Variants in PPM1E observed in about 807,000 individuals in gnomAD.
The protein encoded by PPM1E is protein phosphatase, Mg2+/Mn2+ dependent 1E.
A neutral mutation model predicts 65.9 loss-of-function variants in PPM1E; 20 were observed. That is an observed-to-expected ratio of 0.30 (90% confidence interval 0.21 to 0.44). The LOEUF (loss-of-function observed/expected upper bound fraction) is 0.44. PPM1E is among the 20% of genes least tolerant of loss of function. The pLI, the probability that PPM1E is intolerant of heterozygous loss-of-function variation, is 1.00. For missense variants in PPM1E, 713 were observed against 953.1 expected, an observed-to-expected ratio of 0.75 and a Z score of 3.32; for synonymous variants, 352 against 374.9, an observed-to-expected ratio of 0.94 and a Z score of 0.70.
At chr17:58,826,105 A>G (rs895424376) in intron 1 of PPM1E, among the ~76,000 whole-genome samples, 3 of 151,106 alleles carry the variant, frequency 2.0e-5, no homozygotes, top group African/African-American at 7.3e-5. Context: ...CCCAGCCAAC[A>G]TGGTGAAACC....
intron 1 of PPM1E, among the ~76,000 whole-genome samples, chr17:58,955,145 AC>A (rs2029867758): frequency 2.6e-5 from 4 of 152,224 alleles, no homozygotes; most frequent in African/African-American, 9.6e-5. Flanking sequence ...TGGGCGGATC[AC>A]CTGAGGTTGG....
At position 58,972,170 on chromosome 17, in the gene PPM1E, C is replaced by T. The variant is rs1419621075; in HGVS notation, c.1011C>T (p.Ile337=). 3.1e-6 allele frequency: 5 copies of T among 1,613,938 alleles called. No individual in the cohort carries two copies. In the Admixed American group the frequency reaches 6.7e-5, roughly 22 times the overall value. The part of the protein sequence containing the change: ...RCGTTGVVTF[I]RGNMLHVAWV... ...GGACCACAGGAGTGGTGACTTTCAT[C>T]AGAGGCAACATGCTACATGTGGCCT... Residue 337 remains isoleucine (I), a synonymous_variant, in exon 5 of 7, where the codon ATC becomes ATT. Transcript: ENST00000308249.
At chr17:58,875,543 C>A (rs1180184580) in intron 1 of PPM1E, among the ~76,000 whole-genome samples, 1 of 152,128 alleles carries the variant, frequency 6.6e-6, no homozygotes, top group East Asian at 1.9e-4. Flanking sequence ...ACCAATGTGG[C>A]AGAACCAAGT....
At chr17:58,757,701 C>T (rs1388058065) in intron 1 of PPM1E, among the ~76,000 whole-genome samples, 1 of 152,164 alleles carries the variant, frequency 6.6e-6, no homozygotes, top group African/African-American at 2.4e-5. Flanking sequence ...CCTGTTAAAG[C>T]AGCAGTTTAT....
At chr17:58,897,355 A>C (rs2051433420) in intron 1 of PPM1E, among the ~76,000 whole-genome samples, 1 of 151,946 alleles carries the variant, frequency 6.6e-6, no homozygotes, top group Admixed American at 6.6e-5. Context: ...CAGAGCTTGC[A>C]ATGAGCCGAG....
intron 1 of PPM1E, among the ~76,000 whole-genome samples, chr17:58,793,359 A>AT (rs2050174748): frequency 6.6e-6 from 1 of 151,250 alleles, no homozygotes; most frequent in African/African-American, 2.4e-5. Context: ...TATTATTATT[A>AT]TTATTTTTTT....
intron 1 of PPM1E, among the ~76,000 whole-genome samples, chr17:58,815,088 C>T (rs1369765670): frequency 6.6e-6 from 1 of 151,952 alleles, no homozygotes; most frequent in Non-Finnish European, 1.5e-5. Context: ...AAACTTTTGC[C>T]CTCTATTTAC....
rs576809665 is a variant in PPM1E at position 58,886,137 on chromosome 17, A to G, written c.465-69512A>G. On this transcript the variant is annotated intron_variant, in intron 1 of 6. Transcript: ENST00000308249. ...TATGTTATCCACTGTAAAACATGCT[A>G]TGTACTCCCTCTTCTATTTGATTGT... Among the ~76,000 whole-genome samples, 4 of 152,250 alleles carry G rather than the reference A, an allele frequency of 2.6e-5. No homozygotes were observed. The East Asian group carries it at 7.7e-4, about 29-fold the overall frequency.
At chr17:58,902,883 T>A (rs1292018487) in intron 1 of PPM1E, among the ~76,000 whole-genome samples, 2 of 152,214 alleles carry the variant, frequency 1.3e-5, no homozygotes, top group Admixed American at 1.3e-4. Context: ...ATCAGAAATT[T>A]GTATGGGCAA....
At chr17:58,849,081 C>T (rs577600338) in intron 1 of PPM1E, among the ~76,000 whole-genome samples, 169 of 152,260 alleles carry the variant, frequency 1.1e-3, no homozygotes, top group Admixed American at 4.8e-3. Flanking sequence ...ATAGTATTCT[C>T]TGATGGTAGT....
chr17:58,943,637 C>T lies in PPM1E; in HGVS notation c.465-12012C>T, dbSNP rs142186341. 3.6e-3 allele frequency among the ~76,000 whole-genome samples: 545 copies of T among 152,156 alleles called. 3 individuals carry two copies. The highest frequency in any genetic ancestry group is 5.1e-3 in the Non-Finnish European group (344 of 68,006). The stretch of plus-strand genomic sequence containing the variant: ...GCTCTCAAAATGTGGTTCCCAGACC[C>T]GCAGCATGAGTTCATATTTAACTTG... On this transcript the variant is annotated intron_variant, in intron 1 of 6. Coordinates refer to ENST00000308249, the MANE Select transcript of PPM1E (RefSeq NM_014906.5).
intron 1 of PPM1E, among the ~76,000 whole-genome samples, chr17:58,774,167 C>CG (rs1047699022): frequency 6.0e-5 from 9 of 151,170 alleles, no homozygotes; most frequent in African/African-American, 2.2e-4. Flanking sequence ...TGTCCCCCCC[C>CG]CCCAAAAAAA....
intron 1 of PPM1E, among the ~76,000 whole-genome samples, chr17:58,942,129 T>C (rs958120415): frequency 6.6e-6 from 1 of 152,186 alleles, no homozygotes. Context: ...CTCACACCTG[T>C]AATCCCAGTA....
At chr17:58,790,894 A>T (rs958700487) in intron 1 of PPM1E, among the ~76,000 whole-genome samples, 29 of 147,920 alleles carry the variant, frequency 2.0e-4, no homozygotes, top group East Asian at 7.9e-4. Flanking sequence ...GAGATAATAA[A>T]TTTTTTTTTT....
intron 2 of PPM1E, among the ~76,000 whole-genome samples, chr17:58,961,185 T>C (rs1424174689): frequency 3.3e-5 from 5 of 152,218 alleles, no homozygotes; most frequent in African/African-American, 9.6e-5. Context: ...ATTATAGAAA[T>C]AGATGCTGAG....
chr17:58,946,313 G>A lies in PPM1E; in HGVS notation c.465-9336G>A, dbSNP rs1037589448. Among the ~76,000 whole-genome samples the A allele has an allele frequency of 3.9e-5, 6 of 152,184 alleles. No homozygotes were observed. In the East Asian group the frequency reaches 1.2e-3, roughly 29 times the overall value. On this transcript the variant is annotated intron_variant, in intron 1 of 6. Coordinates refer to ENST00000308249, the MANE Select transcript of PPM1E (RefSeq NM_014906.5). ...AGGACAAATATTTATTTCCAATTAT[G>A]TCACAGATGTTGCACATCTTTTCAT...
intron 1 of PPM1E, chr17:58,899,804 C>G (rs1191916340): frequency 6.4e-6 from 1 of 157,218 alleles, no homozygotes; most frequent in Non-Finnish European, 1.4e-5. Context: ...TTGATTCCAA[C>G]TCTCATGGAT....
chr17:58,788,656 G>A (rs1000502346), intron 1 of PPM1E, among the ~76,000 whole-genome samples: 7 of 152,166 alleles, frequency 4.6e-5, no homozygotes, highest in African/African-American at 1.7e-4. Context: ...TTAGGAGGAG[G>A]TGGACAGAAA....
At chr17:58,903,219 T>C (rs564979114) in intron 1 of PPM1E, among the ~76,000 whole-genome samples, 1 of 152,310 alleles carries the variant, frequency 6.6e-6, no homozygotes, top group South Asian at 2.1e-4. Context: ...AGAGTCTCTC[T>C]TGATTGTGAA....
Sources: allele counts gnomAD v4.1 joint callset (sites outside exome capture counted in the v4.1 genomes callset), GRCh38; gene constraint gnomAD v4.1.1; transcripts MANE v1.5; gene names NCBI Gene and HGNC (gene_info 2026-07-23, HGNC 2026-07-21).